MDGA2: variants seen among roughly 807,000 people sequenced by gnomAD.
The protein encoded by MDGA2 is MAM domain containing glycosylphosphatidylinositol anchor 2.
A neutral mutation model predicts 117.8 loss-of-function variants in MDGA2; 40 were observed. The observed-to-expected ratio is 0.34, with a 90% CI of 0.26 to 0.44. The LOEUF is 0.44. Ranked by LOEUF, MDGA2 falls within the 20% of genes least tolerant of loss-of-function variation. The pLI is 1.00. For synonymous variants in MDGA2, 452 were observed against 439.0 expected (o/e 1.03, Z -0.37); for missense variants, 1,123 against 1,250.6 (o/e 0.90, Z 1.54).
chr14:47,360,285 A>T (rs1181688204), intron 1 of MDGA2, among the ~76,000 whole-genome samples: 1 of 151,920 alleles, frequency 6.6e-6, no homozygotes, highest in Non-Finnish European at 1.5e-5. Flanking sequence ...TGGGAGGCGG[A>T]GGTTGCGGTG....
chr14:47,106,621 T>G (rs12434873), intron 5 of MDGA2, among the ~76,000 whole-genome samples: 74,504 of 151,308 alleles, frequency 0.49, 18,344 homozygotes, highest in East Asian at 0.55. Flanking sequence ...TCTGACTGAC[T>G]CCTTCCCAGA....
chr14:47,521,409 A>C (rs1422666155), intron 1 of MDGA2, among the ~76,000 whole-genome samples: 1 of 152,204 alleles, frequency 6.6e-6, no homozygotes, highest in East Asian at 1.9e-4. Context: ...ATCTTATTAA[A>C]TCCTGACCTT....
intron 1 of MDGA2, among the ~76,000 whole-genome samples, chr14:47,660,703 G>A (rs184676619): frequency 5.3e-5 from 8 of 152,070 alleles, no homozygotes; most frequent in South Asian, 4.2e-4. Context: ...CAAGACCAGC[G>A]ATTGTTAATC....
intron 1 of MDGA2, among the ~76,000 whole-genome samples, chr14:47,382,436 A>G (rs1364589448): frequency 6.6e-6 from 1 of 152,218 alleles, no homozygotes; most frequent in East Asian, 1.9e-4. Flanking sequence ...AATGGGAGAG[A>G]ATTTTTACAA....
At chr14:47,464,972 CA>C (rs1191776131) in intron 1 of MDGA2, among the ~76,000 whole-genome samples, 1 of 151,988 alleles carries the variant, frequency 6.6e-6, no homozygotes, top group Non-Finnish European at 1.5e-5. Flanking sequence ...CCACAGTAAC[CA>C]AAACAGCATG....
intron 10 of MDGA2, among the ~76,000 whole-genome samples, chr14:46,883,322 G>T (rs1882538599): frequency 6.6e-6 from 1 of 151,884 alleles, no homozygotes; most frequent in Non-Finnish European, 1.5e-5. Flanking sequence ...TGTTAACATA[G>T]TTAACTGGCA....
At position 47,487,761 on chromosome 14, in the gene MDGA2, T is replaced by C. The variant is rs532418621; in HGVS notation, c.281-186211A>G. On this transcript the variant is annotated intron_variant, in intron 1 of 16. Coordinates refer to ENST00000399232, the MANE Select transcript of MDGA2 (RefSeq NM_001113498.3). Reference sequence around the variant, plus strand: ...TGCATAATACCTCCTTGTTGTTTAATAAATCTTAATTTATTGAAAATTAAC... The same window carrying C: ...TGCATAATACCTCCTTGTTGTTTAACAAATCTTAATTTATTGAAAATTAAC... 1.6e-4 allele frequency among the ~76,000 whole-genome samples: 25 copies of C among 152,346 alleles called. No individual in the cohort carries two copies. In the South Asian group the frequency reaches 5.0e-3, roughly 30 times the overall value.
At chr14:47,308,565 T>A in intron 1 of MDGA2, among the ~76,000 whole-genome samples, 1 of 146,652 alleles carries the variant, frequency 6.8e-6, no homozygotes, top group Admixed American at 6.8e-5. Context: ...TATGAGGGAA[T>A]CTCTCAAAGC....
intron 1 of MDGA2, among the ~76,000 whole-genome samples, chr14:47,615,532 G>A (rs1173587426): frequency 1.3e-5 from 2 of 152,188 alleles, no homozygotes; most frequent in African/African-American, 2.4e-5. Flanking sequence ...ACACTAAGTA[G>A]AATAGTAACT....
chr14:47,552,805 TA>T (rs1895609295), intron 1 of MDGA2, among the ~76,000 whole-genome samples: 1 of 75,466 alleles, frequency 1.3e-5, no homozygotes, highest in African/African-American at 4.8e-5. Flanking sequence ...TTACTACCCC[TA>T]ATCTTGCCTT....
At chr14:47,393,626 G>T (rs1566767066) in intron 1 of MDGA2, among the ~76,000 whole-genome samples, 1 of 151,934 alleles carries the variant, frequency 6.6e-6, no homozygotes, top group Non-Finnish European at 1.5e-5. Context: ...TTTTTGATTT[G>T]CTATTTCATA....
chr14:47,430,678 T>A (rs749447150), intron 1 of MDGA2, among the ~76,000 whole-genome samples: 17 of 152,110 alleles, frequency 1.1e-4, no homozygotes, highest in Non-Finnish European at 2.1e-4. Context: ...TGTTTAAACA[T>A]ATAAGATCCT....
At chr14:47,402,243 T>A (rs1191834646) in intron 1 of MDGA2, among the ~76,000 whole-genome samples, 3 of 151,944 alleles carry the variant, frequency 2.0e-5, no homozygotes, top group East Asian at 3.9e-4. Context: ...GCAAACCAAG[T>A]GGTATTGTTA....
intron 1 of MDGA2, among the ~76,000 whole-genome samples, chr14:47,358,915 C>A (rs1891052470): frequency 6.6e-6 from 1 of 152,138 alleles, no homozygotes. Context: ...TCAGTGCAAT[C>A]TCTATAAAAA....
chr14:46,897,757 G>C (rs752014331), intron 10 of MDGA2, among the ~76,000 whole-genome samples: 11 of 151,890 alleles, frequency 7.2e-5, no homozygotes, highest in Non-Finnish European at 1.5e-4. Flanking sequence ...TGTGTAGAAA[G>C]AGTGCAGTGA....
chr14:46,879,097 C>A (rs1171920831), intron 11 of MDGA2, among the ~76,000 whole-genome samples: 3 of 151,966 alleles, frequency 2.0e-5, no homozygotes, highest in Non-Finnish European at 2.9e-5. Context: ...AATGCCTAAT[C>A]CCCAATGTGA....
rs372400506 is a variant in MDGA2, at chr14:47,107,484, C to T, written c.926-10361G>A. On this transcript the variant is annotated intron_variant, in intron 5 of 16. Coordinates refer to ENST00000399232, the MANE Select transcript of MDGA2 (RefSeq NM_001113498.3). ...TGCACCCTTAATCCCAGGCTCTCTT[C>T]GCTTTCCCTTGGACTGACCCTGACA... 5.4e-4 allele frequency among the ~76,000 whole-genome samples: 82 copies of T among 152,046 alleles called. 1 individual carries two copies. The highest frequency in any genetic ancestry group is 1.7e-3 in the South Asian group (8 of 4,812).
chr14:47,536,089 C>A (rs1895204643), intron 1 of MDGA2, among the ~76,000 whole-genome samples: 1 of 152,286 alleles, frequency 6.6e-6, no homozygotes, highest in South Asian at 2.1e-4. Context: ...TTGATCCAAC[C>A]AAGTAACATG....
At chr14:47,200,928 A>T (rs2139441955) in intron 3 of MDGA2, 1 of 837,926 alleles carries the variant, frequency 1.2e-6, no homozygotes, top group African/African-American at 1.7e-5. Context: ...TGGGGCAGCA[A>T]GCCTCGCTCG....
Sources: gnomAD v4.1 joint callset for allele counts (sites outside exome capture counted in the v4.1 genomes callset) on GRCh38, gnomAD v4.1.1 for gene constraint, MANE v1.5 for transcripts, NCBI Gene and HGNC (gene_info 2026-07-23, HGNC 2026-07-21) for gene names.